Variants in CDH13 observed in about 807,000 individuals in gnomAD.
CDH13 encodes the protein cadherin 13.
In CDH13, 24 loss-of-function variants were observed where a neutral mutation model predicts 63.8. The observed-to-expected ratio is 0.38, with a 90% CI of 0.27 to 0.53. The LOEUF (loss-of-function observed/expected upper bound fraction) is 0.53, where lower values mean the gene tolerates loss of function less well. CDH13 is among the 20% of genes least tolerant of loss of function. CDH13 has a pLI of 0.85. For synonymous variants in CDH13, 503 were observed against 355.3 expected, an observed-to-expected ratio of 1.42 and a Z score of -4.67; for missense variants, 1,049 against 903.1, an observed-to-expected ratio of 1.16 and a Z score of -2.07.
At chr16:83,002,041 C>G (rs1912989984) in intron 2 of CDH13, among the ~76,000 whole-genome samples, 1 of 152,200 alleles carries the variant, frequency 6.6e-6, no homozygotes, top group African/African-American at 2.4e-5. Flanking sequence ...CTGAGCACTT[C>G]AACGTGCCAT....
At chr16:82,664,605 G>C (rs1171588959) in intron 1 of CDH13, among the ~76,000 whole-genome samples, 1 of 152,168 alleles carries the variant, frequency 6.6e-6, no homozygotes, top group African/African-American at 2.4e-5. Context: ...AAGGACCCAA[G>C]TTTTTCCTGT....
intron 5 of CDH13, among the ~76,000 whole-genome samples, chr16:83,295,783 A>G (rs1356698078): frequency 6.6e-6 from 1 of 152,196 alleles, no homozygotes; most frequent in Non-Finnish European, 1.5e-5. Flanking sequence ...ATTTAAAAGT[A>G]GAACTATCAT....
Position 82,644,469 on chromosome 16 carries a change from A to C in CDH13, c.45+17332A>C, listed in dbSNP as rs551987109. 2.0e-5 allele frequency among the ~76,000 whole-genome samples: 3 copies of C among 152,134 alleles called. No homozygotes were observed. Among genetic ancestry groups the C allele is most frequent in the Non-Finnish European group, 4.4e-5 (3 of 68,030 alleles). On this transcript the variant is annotated intron_variant, in intron 1 of 13. Transcript: ENST00000567109. This position sits in a 1 kb window ranked among gnomAD's most constrained non-coding sequence, Gnocchi z 5.7. ...TGATTTCTATCCTTTGTCATGTTGA[A>C]AATGCTGAGTGACAAAGCCATTAGC...
chr16:83,056,661 G>A lies in CDH13; in HGVS notation c.366+24443G>A, dbSNP rs192071813. Among the ~76,000 whole-genome samples the A allele has an allele frequency of 6.1e-3, 928 of 152,190 alleles. 6 individuals are homozygous for A. Among genetic ancestry groups the A allele is most frequent in the Non-Finnish European group, 8.8e-3 (597 of 67,966 alleles). On this transcript the variant is annotated intron_variant, in intron 3 of 13. Coordinates refer to ENST00000567109, the MANE Select transcript of CDH13 (RefSeq NM_001257.5). ...TATTGAGCCAGGATGGTGGTGATAT[G>A]GTTTGGCCGTGTCACCATCCAAGTC...
intron 10 of CDH13, among the ~76,000 whole-genome samples, chr16:83,711,835 G>A (rs990593622): frequency 1.8e-4 from 27 of 152,208 alleles, no homozygotes; most frequent in African/African-American, 6.3e-4. Context: ...GTTTTTAGGT[G>A]CTTAGTAGAC....
chr16:83,011,829 G>T (rs967235764), intron 2 of CDH13, among the ~76,000 whole-genome samples: 12 of 152,226 alleles, frequency 7.9e-5, no homozygotes, highest in Non-Finnish European at 2.9e-5. Flanking sequence ...GCAGAACAAA[G>T]GGTCTTGCTC....
rs371447568 is a variant in CDH13, at chr16:83,768,023, C to G, written c.1682-11945C>G. Among the ~76,000 whole-genome samples, 16 of 151,646 alleles carry G rather than the reference C, an allele frequency of 1.1e-4. No individual in the cohort carries two copies. In the East Asian group the frequency reaches 2.9e-3, roughly 28 times the overall value. On this transcript the variant is annotated intron_variant, in intron 11 of 13. Coordinates refer to ENST00000567109, the MANE Select transcript of CDH13 (RefSeq NM_001257.5). ...GAATTAGAAAAAAATATTTTTAATCCCTGCATAATTCTGAGTTTAACATGT... is the reference window on the plus strand; with the variant it reads ...GAATTAGAAAAAAATATTTTTAATCGCTGCATAATTCTGAGTTTAACATGT...
intron 1 of CDH13, among the ~76,000 whole-genome samples, chr16:82,762,180 A>G (rs1040709606): frequency 6.6e-6 from 1 of 152,090 alleles, no homozygotes; most frequent in African/African-American, 2.4e-5. Flanking sequence ...TCACCCTGCT[A>G]CTCTCTCTTC....
intron 6 of CDH13, among the ~76,000 whole-genome samples, chr16:83,440,237 G>A (rs1242124367): frequency 2.6e-5 from 4 of 152,214 alleles, no homozygotes; most frequent in Non-Finnish European, 5.9e-5. Flanking sequence ...ACAGGCTTAG[G>A]ACACGGAAAG....
At chr16:83,340,834 C>G (rs546144824) in intron 5 of CDH13, among the ~76,000 whole-genome samples, 5 of 152,264 alleles carry the variant, frequency 3.3e-5, no homozygotes, top group South Asian at 2.1e-4. Flanking sequence ...CTGTTTCTAG[C>G]TGTCATTTGT....
intron 5 of CDH13, among the ~76,000 whole-genome samples, chr16:83,328,102 C>T (rs1019332312): frequency 6.8e-6 from 1 of 146,732 alleles, no homozygotes; most frequent in Non-Finnish European, 1.5e-5. Flanking sequence ...CACTGCACTC[C>T]AGCCCAGGAG....
At chr16:82,688,433 T>C (rs531815716) in intron 1 of CDH13, among the ~76,000 whole-genome samples, 6 of 152,352 alleles carry the variant, frequency 3.9e-5, no homozygotes, top group African/African-American at 1.4e-4. Context: ...AATCAAATAA[T>C]GAAGCTCACA....
At chr16:82,982,948 C>T (rs563469016) in intron 2 of CDH13, among the ~76,000 whole-genome samples, 35 of 152,258 alleles carry the variant, frequency 2.3e-4, no homozygotes, top group African/African-American at 7.9e-4. Context: ...ATAGTTATTT[C>T]GTTTGCTAAG....
chr16:83,125,701 C>T (rs1371543334), intron 4 of CDH13, among the ~76,000 whole-genome samples, 200 bp downstream of exon 4: 1 of 152,122 alleles, frequency 6.6e-6, no homozygotes, highest in African/African-American at 2.4e-5. Flanking sequence ...CCAATAGCAG[C>T]TTTGAATATT....
chr16:82,823,553 C>A (rs1396297432), intron 1 of CDH13: 1 of 152,112 alleles, frequency 6.6e-6, no homozygotes, highest in African/African-American at 2.4e-5. Context: ...TAGGAACTAC[C>A]CCTAGTTATT....
At chr16:83,303,240 T>C (rs79686289) in intron 5 of CDH13, among the ~76,000 whole-genome samples, 6,977 of 152,232 alleles carry the variant, frequency 0.046, 234 homozygotes, top group East Asian at 0.18. Flanking sequence ...GAACTAATGT[T>C]AGGAAGATGA....
chr16:82,934,183 C>G (rs1462296385), intron 2 of CDH13, among the ~76,000 whole-genome samples: 1 of 152,230 alleles, frequency 6.6e-6, no homozygotes, highest in Non-Finnish European at 1.5e-5. Flanking sequence ...GACATCCAGG[C>G]ATTTCCATAC....
intron 2 of CDH13, among the ~76,000 whole-genome samples, chr16:83,031,327 ATATG>A (rs1364049824): frequency 2.1e-5 from 3 of 142,206 alleles, no homozygotes; most frequent in African/African-American, 5.1e-5. Context: ...GCATGTATAT[ATATG>A]TATATGTATA....
intron 7 of CDH13, among the ~76,000 whole-genome samples, chr16:83,540,266 C>T (rs979920883): frequency 6.6e-5 from 10 of 151,994 alleles, no homozygotes; most frequent in East Asian, 3.9e-4. Flanking sequence ...TATGAGTAAG[C>T]GCCAAACTGG....
Sources: gnomAD v4.1 joint callset for allele counts (sites outside exome capture counted in the v4.1 genomes callset) on GRCh38, gnomAD v4.1.1 for gene constraint, Gnocchi (gnomAD v3.1) non-coding constraint, MANE v1.5 for transcripts, NCBI Gene and HGNC (gene_info 2026-07-23, HGNC 2026-07-21) for gene names.